CCDC60: variants seen among roughly 807,000 people sequenced by gnomAD.
The protein encoded by CCDC60 is coiled-coil domain-containing protein 60.
A neutral mutation model predicts 63.5 loss-of-function variants in CCDC60; 54 were observed. The observed-to-expected ratio is 0.85, with a 90% CI of 0.68 to 1.07. The LOEUF (loss-of-function observed/expected upper bound fraction) is 1.07, where lower values mean the gene tolerates loss of function less well. CCDC60 is among the 50% of genes least tolerant of loss of function. The pLI is 0.00. For missense variants in CCDC60, 651 were observed against 684.3 expected (o/e 0.95, Z 0.54); for synonymous variants, 206 against 238.8 (o/e 0.86, Z 1.27).
chr12:119,508,770 G>A (rs1952128302), intron 7 of CCDC60, among the ~76,000 whole-genome samples: 1 of 152,180 alleles, frequency 6.6e-6, no homozygotes, highest in African/African-American at 2.4e-5. Context: ...CAGTACAGGA[G>A]GGACTAGACC....
chr12:119,407,777 A>C (rs1565992379), intron 1 of CCDC60, among the ~76,000 whole-genome samples: 1 of 152,044 alleles, frequency 6.6e-6, no homozygotes, highest in Non-Finnish European at 1.5e-5. Flanking sequence ...GCACTCCAGA[A>C]GGTGTATTTC....
At chr12:119,360,697 G>T (rs183503110) in intron 1 of CCDC60, among the ~76,000 whole-genome samples, 2 of 152,046 alleles carry the variant, frequency 1.3e-5, no homozygotes, top group South Asian at 2.1e-4. Flanking sequence ...ATGTGATGGC[G>T]GCCGGGAAGA....
chr12:119,423,076 A>G (rs918519045), intron 1 of CCDC60, among the ~76,000 whole-genome samples: 3 of 152,198 alleles, frequency 2.0e-5, no homozygotes, highest in Non-Finnish European at 2.9e-5. Context: ...TATGGGAAGT[A>G]GAGCAGGTAA....
intron 1 of CCDC60, among the ~76,000 whole-genome samples, chr12:119,354,998 T>C (rs576201784): frequency 1.2e-3 from 179 of 152,358 alleles, no homozygotes; most frequent in African/African-American, 4.2e-3. Context: ...GGAGGATATG[T>C]AATGTTTTTG....
chr12:119,474,731 G>C (rs922202419), intron 3 of CCDC60, among the ~76,000 whole-genome samples: 5 of 152,152 alleles, frequency 3.3e-5, no homozygotes, highest in African/African-American at 9.7e-5. Flanking sequence ...TTCAGGCCAG[G>C]CGTGGTGGCT....
chr12:119,538,133 C>T (rs1480066915), intron 13 of CCDC60, among the ~76,000 whole-genome samples: 1 of 152,228 alleles, frequency 6.6e-6, no homozygotes, highest in East Asian at 1.9e-4. Context: ...TGGCGGATGC[C>T]CCTCCCCCTG....
chr12:119,519,431 G>GCA (rs750396778), intron 8 of CCDC60, among the ~76,000 whole-genome samples: 13,419 of 136,002 alleles, frequency 0.099, 745 homozygotes, highest in East Asian at 0.2. Flanking sequence ...GTGTGTGTGT[G>GCA]TGTGCGCGTG....
chr12:119,532,463 C>A (rs538538166), intron 13 of CCDC60, among the ~76,000 whole-genome samples: 1 of 149,498 alleles, frequency 6.7e-6, no homozygotes, highest in Admixed American at 6.7e-5. Flanking sequence ...GATACATGTG[C>A]GTAACGTGAA....
At chr12:119,466,112 AC>A (rs1349452294) in intron 2 of CCDC60, among the ~76,000 whole-genome samples, 12 of 151,974 alleles carry the variant, frequency 7.9e-5, no homozygotes, top group African/African-American at 2.9e-4. Flanking sequence ...TTACTCCCTT[AC>A]CTCCTTCACA....
At chr12:119,337,080 T>C (rs1955479447) in intron 1 of CCDC60, among the ~76,000 whole-genome samples, 2 of 152,198 alleles carry the variant, frequency 1.3e-5, no homozygotes, top group Non-Finnish European at 2.9e-5. Context: ...GGGCTCTCCA[T>C]GTGGTCCAAA....
rs558728094 is a variant in CCDC60, at chr12:119,444,169, C to T, written c.170+15407C>T. Among the ~76,000 whole-genome samples, 9 of 152,256 alleles carry T rather than the reference C, an allele frequency of 5.9e-5. No homozygotes were observed. In the South Asian group the frequency reaches 1.5e-3, roughly 25 times the overall value. On this transcript the variant is annotated intron_variant, in intron 2 of 13. Coordinates refer to ENST00000327554, the MANE Select transcript of CCDC60 (RefSeq NM_178499.5). ...TTAAGGTTCTATAGTTTGTTGTTTG[C>T]CTTGAAAGACAAACAGCTAGATACT...
At chr12:119,421,346 A>G (rs2136219599) in intron 1 of CCDC60, among the ~76,000 whole-genome samples, 1 of 152,286 alleles carries the variant, frequency 6.6e-6, no homozygotes, top group South Asian at 2.1e-4. Flanking sequence ...TCTGTAAATC[A>G]ATAGCTAGCA....
chr12:119,462,033 C>G (rs1000470731), intron 2 of CCDC60, among the ~76,000 whole-genome samples: 18 of 152,188 alleles, frequency 1.2e-4, no homozygotes, highest in Non-Finnish European at 2.1e-4. Flanking sequence ...TAACCACATT[C>G]ATCTGTCACT....
At chr12:119,458,850 G>A (rs960929824) in intron 2 of CCDC60, among the ~76,000 whole-genome samples, 3 of 151,996 alleles carry the variant, frequency 2.0e-5, no homozygotes, top group Non-Finnish European at 2.9e-5. Flanking sequence ...GGGTTCAAGC[G>A]ATTCTCTTGC....
In CCDC60 at chr12:119,479,141, G is replaced by T; in HGVS notation, c.389G>T (p.Arg130Leu). The change falls in exon 4 of 14, where the codon CGT becomes CTT. Residue 130 changes from arginine (R) to leucine (L), a missense_variant. Arg to Leu is a moderately radical substitution (Grantham distance 102). Transcript: ENST00000327554. ...KLKTLGARVT[R>L]RPFTPIHSCI... ...AAGACACTGGGAGCTAGAGTCACACGTCGCCCATTCACTCCCATCCACAGC... is the reference window on the plus strand; with the variant it reads ...AAGACACTGGGAGCTAGAGTCACACTTCGCCCATTCACTCCCATCCACAGC... 1 of 1,614,002 alleles carries T rather than the reference G, an allele frequency of 6.2e-7. No homozygotes were observed. Among genetic ancestry groups the T allele is most frequent in the Non-Finnish European group, 8.5e-7 (1 of 1,179,992 alleles).
chr12:119,475,842 A>G (rs776727895), intron 3 of CCDC60, among the ~76,000 whole-genome samples: 8 of 152,202 alleles, frequency 5.3e-5, no homozygotes, highest in Non-Finnish European at 7.3e-5. Flanking sequence ...TGTTCCTATT[A>G]TGACGCAATA....
At chr12:119,433,235 C>G (rs777610535) in intron 2 of CCDC60, 8 of 599,120 alleles carry the variant, frequency 1.3e-5, no homozygotes, top group Non-Finnish European at 2.4e-5. Flanking sequence ...TCCCACAGAC[C>G]CAGTAGAATA....
intron 2 of CCDC60, among the ~76,000 whole-genome samples, chr12:119,441,532 C>T (rs1480842197): frequency 6.6e-6 from 1 of 152,190 alleles, no homozygotes; most frequent in African/African-American, 2.4e-5. Context: ...CCCAGGCAAC[C>T]TCCTCATGTC....
At chr12:119,516,123 T>C (rs1252753450) in intron 7 of CCDC60, among the ~76,000 whole-genome samples, 1 of 152,170 alleles carries the variant, frequency 6.6e-6, no homozygotes, top group Non-Finnish European at 1.5e-5. Flanking sequence ...GTTATTATTT[T>C]GATTCAGAGT....
Sources: gnomAD v4.1 joint callset for allele counts (sites outside exome capture counted in the v4.1 genomes callset) on GRCh38, gnomAD v4.1.1 for gene constraint, MANE v1.5 for transcripts, NCBI Gene and HGNC (gene_info 2026-07-23, HGNC 2026-07-21) for gene names.